The following ARID3B variants were observed in gnomAD, a reference collection of about 807,000 sequenced individuals.
ARID3B encodes the protein AT-rich interaction domain 3B, also known as AT-rich interactive domain-containing protein 3B.
ARID3B carries 10 observed loss-of-function variants against 51.9 expected under a neutral mutation model. The observed-to-expected ratio is 0.19, with a 90% CI of 0.12 to 0.33. ARID3B has a LOEUF of 0.33. ARID3B is among the 10% of genes least tolerant of loss of function. The pLI, the probability that ARID3B is intolerant of heterozygous loss-of-function variation, is 1.00. For missense variants in ARID3B, 483 were observed against 716.3 expected, an observed-to-expected ratio of 0.67 and a Z score of 3.72; for synonymous variants, 205 against 279.5, an observed-to-expected ratio of 0.73 and a Z score of 2.66.
chr15:74,554,543 T>C (rs892065691), intron 2 of ARID3B, among the ~76,000 whole-genome samples: 2 of 152,078 alleles, frequency 1.3e-5, no homozygotes, highest in Non-Finnish European at 2.9e-5. Flanking sequence ...CTTCAAGTGA[T>C]CTACCCGCCT....
intron 2 of ARID3B, among the ~76,000 whole-genome samples, chr15:74,566,053 T>A (rs2061696882): frequency 6.6e-6 from 1 of 152,128 alleles, no homozygotes; most frequent in East Asian, 1.9e-4. Context: ...TTCTCTTTCA[T>A]CCCCTCAATC....
At chr15:74,587,744 G>A (rs2061786551) in intron 4 of ARID3B, among the ~76,000 whole-genome samples, 1 of 152,144 alleles carries the variant, frequency 6.6e-6, no homozygotes, top group African/African-American at 2.4e-5. Flanking sequence ...TTTCTGGTAG[G>A]GGGAAGGTTT....
intron 2 of ARID3B, among the ~76,000 whole-genome samples, chr15:74,556,686 G>A (rs894504583): frequency 1.3e-5 from 2 of 151,140 alleles, no homozygotes; most frequent in Admixed American, 6.6e-5. Flanking sequence ...GACTTACGAA[G>A]TTTATCCATT....
In ARID3B at chr15:74,597,546, G is replaced by C; in HGVS notation, c.*1772G>C. 1.9e-6 allele frequency: 1 copy of C among 535,590 alleles called. No homozygotes were observed. The highest frequency in any genetic ancestry group is 3.6e-6 in the Non-Finnish European group (1 of 276,770). The allele number at this position is 535,590 out of a possible 1,614,324, so 33.2% of individuals were successfully genotyped here. A position where few individuals can be genotyped will look rare whatever the true frequency, so the allele number is the denominator to read the frequency against. On this transcript the variant is annotated 3_prime_UTR_variant, in exon 9 of 9. Transcript: ENST00000346246. ...ACACACACATACCCCATCTCCCGAG[G>C]GCTGACCTCCTCTGGCCTCAGCCTG...
At chr15:74,561,647 A>T (rs1297111723) in intron 2 of ARID3B, among the ~76,000 whole-genome samples, 1 of 152,208 alleles carries the variant, frequency 6.6e-6, no homozygotes, top group Non-Finnish European at 1.5e-5. Flanking sequence ...TGGTTTTCTC[A>T]TCTGAAGAGT....
At chr15:74,576,631 A>C (rs1266964036) in intron 4 of ARID3B, among the ~76,000 whole-genome samples, 1 of 152,044 alleles carries the variant, frequency 6.6e-6, no homozygotes, top group Non-Finnish European at 1.5e-5. Context: ...ACTGCCCTCC[A>C]GCCTGGCCAA....
intron 2 of ARID3B, among the ~76,000 whole-genome samples, chr15:74,563,589 C>T (rs1171106645): frequency 6.6e-6 from 1 of 152,160 alleles, no homozygotes; most frequent in East Asian, 1.9e-4. Context: ...TGTTCTTGTG[C>T]TGGGCTCTCC....
intron 1 of ARID3B, among the ~76,000 whole-genome samples, chr15:74,543,485 C>A (rs1248356139): frequency 6.6e-6 from 1 of 152,114 alleles, no homozygotes; most frequent in Non-Finnish European, 1.5e-5. Context: ...CAGTGCAAAC[C>A]CAGTTACCTT....
In ARID3B at chr15:74,544,326, A is replaced by T; in HGVS notation, c.390A>T (p.Gln130His). Reference protein sequence around the residue: ...KYFHVQKVARQDPRVAPMSNL... With the variant: ...KYFHVQKVARHDPRVAPMSNL... Reference sequence around the variant, plus strand: ...TTCATGTGCAGAAAGTAGCTCGCCAAGATCCCAGAGTGGCACCCATGTCCA... The same window carrying T: ...TTCATGTGCAGAAAGTAGCTCGCCATGATCCCAGAGTGGCACCCATGTCCA... The change falls in exon 2 of 9, where the codon CAA becomes CAT. Residue 130 changes from glutamine (Q) to histidine (H), a missense_variant. Physicochemically the swap from Gln to His is conservative, Grantham distance 24 (BLOSUM62 0). Coordinates refer to ENST00000346246, the MANE Select transcript of ARID3B (RefSeq NM_006465.4). The T allele has an allele frequency of 6.2e-7, 1 of 1,612,200 alleles. No individual in the cohort carries two copies. Among genetic ancestry groups the T allele is most frequent in the Non-Finnish European group, 8.5e-7 (1 of 1,178,976 alleles).
At chr15:74,547,798 A>T (rs2061621473) in intron 2 of ARID3B, among the ~76,000 whole-genome samples, 1 of 152,240 alleles carries the variant, frequency 6.6e-6, no homozygotes, top group East Asian at 1.9e-4. Context: ...TCTACAGCAT[A>T]GCATAGCTTG....
At chr15:74,576,309 A>G (rs893272204) in intron 4 of ARID3B, among the ~76,000 whole-genome samples, 10 of 152,176 alleles carry the variant, frequency 6.6e-5, no homozygotes, top group African/African-American at 2.4e-4. Context: ...CTGGAGGGCA[A>G]AATTGTCCCG....
At chr15:74,568,077 T>C (rs950010473) in intron 2 of ARID3B, among the ~76,000 whole-genome samples, 1 of 152,198 alleles carries the variant, frequency 6.6e-6, no homozygotes, top group African/African-American at 2.4e-5. Context: ...CCCATTCTAC[T>C]GGAATGGTCT....
chr15:74,563,100 C>G (rs1445208406), intron 2 of ARID3B, among the ~76,000 whole-genome samples: 1 of 152,220 alleles, frequency 6.6e-6, no homozygotes, highest in Non-Finnish European at 1.5e-5. Context: ...TATCAACATT[C>G]ATTTGAGCCT....
intron 4 of ARID3B, chr15:74,575,087 C>G (rs2061733006): frequency 6.6e-6 from 1 of 151,914 alleles, no homozygotes; most frequent in African/African-American, 2.4e-5. Context: ...AGAGAGAAAT[C>G]CACTTAATAC....
chr15:74,591,395 A>G lies in ARID3B; in HGVS notation c.1126A>G (p.Ser376Gly). The change falls in exon 6 of 9, where the codon AGT (serine) becomes GGT (glycine). Residue 376 changes from serine to glycine, a missense_variant. Ser to Gly is a moderately conservative substitution (Grantham distance 56). This residue lies in a region of ARID3B where 265 missense variants were observed against 354.4 expected (regional missense o/e 0.75). Coordinates refer to ENST00000346246, the MANE Select transcript of ARID3B (RefSeq NM_006465.4). This position sits in a 1 kb window ranked among gnomAD's most constrained non-coding sequence, Gnocchi z 5.8. Reference protein sequence around the residue: ...GLGSSSGTNTSSPRISPATTL... With the variant: ...GLGSSSGTNTGSPRISPATTL... ...TGGCTCCAGCAGTGGTACCAATACC[A>G]GTAGCCCTCGGATATCCCCAGCAAC... is the stretch of plus-strand genomic sequence containing the variant. 6.2e-7 allele frequency: 1 copy of G among 1,610,282 alleles called. No homozygotes were observed. The highest frequency in any genetic ancestry group is 8.5e-7 in the Non-Finnish European group (1 of 1,176,748).
rs529889069 is a variant in ARID3B, at chr15:74,562,040, TA to T, written c.553-10803del. Among the ~76,000 whole-genome samples, 600 of 125,436 alleles carry T rather than the reference TA, an allele frequency of 4.8e-3. 1 individual carries two copies. Among genetic ancestry groups the T allele is most frequent in the African/African-American group, 6.1e-3 (207 of 34,014 alleles). 82.3% of individuals were successfully genotyped at this position (125,436 alleles called of 152,430 possible). On this transcript the variant is annotated intron_variant, in intron 2 of 8. Coordinates refer to ENST00000346246, the MANE Select transcript of ARID3B (RefSeq NM_006465.4). ...CTGGCGACAGAGCAAGACTCTGTCT[TA>T]AAAAAAAAAAAAAAAAAAGCAGGCT...
intron 4 of ARID3B, among the ~76,000 whole-genome samples, chr15:74,588,482 G>A (rs2061789844): frequency 1.3e-5 from 2 of 152,184 alleles, no homozygotes; most frequent in Admixed American, 6.5e-5. Context: ...AGACCTCAGC[G>A]AGACTGGGGC....
rs1289369465 is a variant in ARID3B at position 74,595,729 on chromosome 15, C to T, written c.1638C>T (p.Ser546=). The part of the protein sequence containing the change: ...SSHCSPSPTS[S]RGTPSAEPST... The stretch of plus-strand genomic sequence containing the variant: ...ACTGTTCACCAAGTCCTACCTCATC[C>T]CGGGGCACCCCCAGCGCAGAGCCCT... Residue 546 remains serine, a synonymous_variant, in exon 9 of 9, where the codon TCC becomes TCT. Coordinates refer to ENST00000346246, the MANE Select transcript of ARID3B (RefSeq NM_006465.4). The T allele has an allele frequency of 2.5e-6, 4 of 1,612,168 alleles. No homozygotes were observed. The highest frequency in any genetic ancestry group is 1.7e-6 in the Non-Finnish European group (2 of 1,178,760).
intron 2 of ARID3B, among the ~76,000 whole-genome samples, chr15:74,569,779 C>A (rs1403595454): frequency 3.3e-5 from 5 of 152,194 alleles, no homozygotes; most frequent in Admixed American, 3.3e-4. Context: ...CTGCGAAAGG[C>A]AGGCAGGGCT....
Sources: allele counts gnomAD v4.1 joint callset (sites outside exome capture counted in the v4.1 genomes callset), GRCh38; gene constraint gnomAD v4.1.1; regional missense constraint gnomAD v4.1.1; non-coding constraint Gnocchi (gnomAD v3.1); transcripts MANE v1.5; gene names NCBI Gene and HGNC (gene_info 2026-07-23, HGNC 2026-07-21).